Variants in THSD7A observed in about 807,000 individuals in gnomAD.
THSD7A encodes the protein thrombospondin type 1 domain containing 7A.
THSD7A carries 96 observed loss-of-function variants against 231.3 expected under a neutral mutation model. That is an observed-to-expected ratio of 0.41 (90% CI 0.35 to 0.49). THSD7A has a LOEUF of 0.49. Among genes scored for constraint, THSD7A ranks in the 20% least tolerant of loss-of-function variants. The pLI, the probability that THSD7A is intolerant of heterozygous loss-of-function variation, is 0.05. For synonymous variants in THSD7A, 940 were observed against 743.3 expected (o/e 1.26, Z -4.30); for missense variants, 2,290 against 2,070.2 (o/e 1.11, Z -2.06).
chr7:11,742,854 A>T (rs961949823), intron 1 of THSD7A, among the ~76,000 whole-genome samples: 3 of 151,922 alleles, frequency 2.0e-5, no homozygotes, highest in African/African-American at 7.2e-5. Flanking sequence ...TTCATACTTA[A>T]TTAATGGCTG....
intron 6 of THSD7A, among the ~76,000 whole-genome samples, chr7:11,492,002 A>G (rs1447835318): frequency 6.6e-6 from 1 of 152,010 alleles, no homozygotes; most frequent in African/African-American, 2.4e-5. Context: ...TATCAGCCAA[A>G]TAGCTTGCCA....
At chr7:11,433,775 T>C (rs540199209) in intron 13 of THSD7A, among the ~76,000 whole-genome samples, 1 of 152,090 alleles carries the variant, frequency 6.6e-6, no homozygotes, top group Non-Finnish European at 1.5e-5. Flanking sequence ...ATTGAAATAT[T>C]ATGGTTTTAG....
chr7:11,786,819 T>G (rs1783809902), intron 1 of THSD7A, among the ~76,000 whole-genome samples: 1 of 150,560 alleles, frequency 6.6e-6, no homozygotes, highest in Admixed American at 6.6e-5. Flanking sequence ...TTTTCTTTGG[T>G]CTCTCTCTTC....
intron 1 of THSD7A, among the ~76,000 whole-genome samples, chr7:11,730,725 G>C (rs868015235): frequency 6.6e-6 from 1 of 151,376 alleles, no homozygotes; most frequent in African/African-American, 2.4e-5. Flanking sequence ...ATTCATCACC[G>C]GCAGCCTTCT....
At chr7:11,618,656 C>T (rs930994888) in intron 2 of THSD7A, among the ~76,000 whole-genome samples, 1 of 151,856 alleles carries the variant, frequency 6.6e-6, no homozygotes, top group Non-Finnish European at 1.5e-5. Flanking sequence ...AAAAATTAGC[C>T]GGGCGCCTGT....
Position 11,824,398 on chromosome 7 carries a change from G to A in THSD7A, c.190+7359C>T, listed in dbSNP as rs190145195. Among the ~76,000 whole-genome samples, 175 of 152,020 alleles carry A rather than the reference G, an allele frequency of 1.2e-3. 1 individual carries two copies. Among genetic ancestry groups the A allele is most frequent in the Middle Eastern group, 3.4e-3 (1 of 294 alleles). Reference sequence around the variant, plus strand: ...TCCTAAAAGGACCCAAACTACAATCGCACTTCACCAATAACCTACTCAGAA... The same window carrying A: ...TCCTAAAAGGACCCAAACTACAATCACACTTCACCAATAACCTACTCAGAA... On this transcript the variant is annotated intron_variant, in intron 1 of 27. Coordinates refer to ENST00000423059, the MANE Select transcript of THSD7A (RefSeq NM_015204.3).
chr7:11,830,861 T>G (rs1583325927), intron 1 of THSD7A, among the ~76,000 whole-genome samples: 1 of 152,232 alleles, frequency 6.6e-6, no homozygotes, highest in African/African-American at 2.4e-5. Flanking sequence ...CAAGTTATTC[T>G]TAAATTACCC....
rs534068581 is a variant in THSD7A at position 11,518,619 on chromosome 7, A to G, written c.1822+22800T>C. On this transcript the variant is annotated intron_variant, in intron 6 of 27. Transcript: ENST00000423059. Reference sequence around the variant, plus strand: ...TAGAAACACACACACACACACACACACGCACACACAGGCACGCACACATAG... The same window carrying G: ...TAGAAACACACACACACACACACACGCGCACACACAGGCACGCACACATAG... 7.3e-5 allele frequency among the ~76,000 whole-genome samples: 11 copies of G among 151,720 alleles called. No homozygotes were observed. In the East Asian group the frequency reaches 1.2e-3, roughly 16 times the overall value.
intron 13 of THSD7A, among the ~76,000 whole-genome samples, chr7:11,441,573 T>C (rs1238289630): frequency 6.6e-6 from 1 of 152,074 alleles, no homozygotes; most frequent in African/African-American, 2.4e-5. Flanking sequence ...AATAAATTAA[T>C]CATCAAGTTG....
intron 11 of THSD7A, among the ~76,000 whole-genome samples, chr7:11,450,096 T>A (rs940309694): frequency 2.0e-5 from 3 of 152,006 alleles, no homozygotes; most frequent in Non-Finnish European, 2.9e-5. Flanking sequence ...GAAACTGACT[T>A]AGGTTCTCTC....
chr7:11,381,636 T>G (rs1422781878), intron 24 of THSD7A, among the ~76,000 whole-genome samples: 1 of 152,162 alleles, frequency 6.6e-6, no homozygotes, highest in Non-Finnish European at 1.5e-5. Context: ...CTGTCAAGAC[T>G]CCTGCTGTTG....
At chr7:11,570,280 T>C (rs946801856) in intron 4 of THSD7A, among the ~76,000 whole-genome samples, 2 of 152,118 alleles carry the variant, frequency 1.3e-5, no homozygotes, top group African/African-American at 4.8e-5. Context: ...CTCACTCATA[T>C]GGTGGGAGCT....
chr7:11,564,170 G>A (rs184521186), intron 4 of THSD7A, among the ~76,000 whole-genome samples: 21 of 152,270 alleles, frequency 1.4e-4, no homozygotes, highest in Non-Finnish European at 1.9e-4. Context: ...AAAAAAGGAC[G>A]TTTTAGGTCC....
At chr7:11,394,839 G>C (rs1282903278) in intron 23 of THSD7A, among the ~76,000 whole-genome samples, 3 of 151,998 alleles carry the variant, frequency 2.0e-5, no homozygotes, top group Admixed American at 2.0e-4. Context: ...GCCAGGGTCT[G>C]TGGGACAGAC....
intron 9 of THSD7A, among the ~76,000 whole-genome samples, chr7:11,466,119 T>A (rs1378829866): frequency 6.6e-6 from 1 of 152,162 alleles, no homozygotes; most frequent in African/African-American, 2.4e-5. Flanking sequence ...GTATTTGACT[T>A]CCTTAAAGTG....
At chr7:11,472,250 T>C (rs1785966921) in intron 8 of THSD7A, among the ~76,000 whole-genome samples, 1 of 151,986 alleles carries the variant, frequency 6.6e-6, no homozygotes, top group South Asian at 2.1e-4. Flanking sequence ...GAAATTGATT[T>C]CCCCCCAAAT....
chr7:11,661,778 A>C (rs1326238336), intron 1 of THSD7A, among the ~76,000 whole-genome samples: 2 of 151,378 alleles, frequency 1.3e-5, no homozygotes, highest in Non-Finnish European at 3.0e-5. Flanking sequence ...AATCCCAGTG[A>C]ATATTGAATG....
At chr7:11,435,838 T>G (rs74559885) in intron 13 of THSD7A, among the ~76,000 whole-genome samples, 2 of 151,854 alleles carry the variant, frequency 1.3e-5, no homozygotes, top group African/African-American at 4.8e-5. Context: ...AGAAGTAAGG[T>G]TGGCTTGGAG....
At chr7:11,613,511 C>T (rs1431696170) in intron 2 of THSD7A, among the ~76,000 whole-genome samples, 3 of 152,086 alleles carry the variant, frequency 2.0e-5, no homozygotes, top group Non-Finnish European at 2.9e-5. Flanking sequence ...TCCTTTATTT[C>T]TGAAATATAC....
Sources: gnomAD v4.1 joint callset for allele counts (sites outside exome capture counted in the v4.1 genomes callset) on GRCh38, gnomAD v4.1.1 for gene constraint, MANE v1.5 for transcripts, NCBI Gene and HGNC (gene_info 2026-07-23, HGNC 2026-07-21) for gene names.